THADA: variants seen among roughly 807,000 people sequenced by gnomAD.
THADA encodes tRNA (32-2'-O)-methyltransferase regulator THADA.
In THADA, 213 loss-of-function variants were observed where a neutral mutation model predicts 219.8. The observed-to-expected ratio is 0.97, with a 90% CI of 0.87 to 1.09. The LOEUF is 1.09. Ranked by LOEUF, THADA falls within the 50% of genes least tolerant of loss-of-function variation. The pLI, the probability that THADA is intolerant of heterozygous loss-of-function variation, is 0.00. For synonymous variants in THADA, 1,018 were observed against 828.9 expected, an observed-to-expected ratio of 1.23 and a Z score of -3.92; for missense variants, 2,956 against 2,311.3, an observed-to-expected ratio of 1.28 and a Z score of -5.72.
intron 26 of THADA, among the ~76,000 whole-genome samples, chr2:43,475,621 T>G (rs556148677): frequency 1.3e-5 from 2 of 152,168 alleles, no homozygotes; most frequent in Non-Finnish European, 2.9e-5. Flanking sequence ...TATTGCAGAA[T>G]AGCATTTTCG....
rs959293219 is a variant in THADA at position 43,291,687 on chromosome 2, C to T, written c.5010+9G>A. On this transcript the variant is annotated intron_variant, in intron 34 of 37. Coordinates refer to ENST00000405975, the MANE Select transcript of THADA (RefSeq NM_022065.5). ...CTAGGTCCCGGAACAAGATCAGAAC[C>T]AGCCTTACCTCCACACATGTCTGCA... 3 of 1,537,906 alleles carry T rather than the reference C, an allele frequency of 2.0e-6. No individual in the cohort carries two copies. Among genetic ancestry groups the T allele is most frequent in the Non-Finnish European group, 2.6e-6 (3 of 1,138,674 alleles).
chr2:43,256,669 C>T (rs1670348364), intron 36 of THADA, among the ~76,000 whole-genome samples: 1 of 151,362 alleles, frequency 6.6e-6, no homozygotes, highest in Non-Finnish European at 1.5e-5. Flanking sequence ...GTCTCAACCT[C>T]CCAGGGTCAA....
chr2:43,535,848 C>G (rs113373412), intron 21 of THADA, among the ~76,000 whole-genome samples: 15,415 of 151,874 alleles, frequency 0.1, 841 homozygotes, highest in South Asian at 0.14. Flanking sequence ...TTGAGACTGA[C>G]ACTCGCTCTG....
intron 36 of THADA, among the ~76,000 whole-genome samples, chr2:43,246,388 G>A (rs1279508315): frequency 3.9e-5 from 6 of 152,160 alleles, no homozygotes; most frequent in Non-Finnish European, 7.3e-5. Flanking sequence ...CCAGCTACTT[G>A]GGAGGCTGAG....
In THADA at chr2:43,504,303, T is replaced by G. The variant is rs116370721; in HGVS notation, c.3621+1319A>C. On this transcript the variant is annotated intron_variant, in intron 24 of 37. Coordinates refer to ENST00000405975, the MANE Select transcript of THADA (RefSeq NM_022065.5). ...TCATATCTATGGGTACTGGCCACTA[T>G]GTGCCATATGACTATGTTCCATATG... Among the ~76,000 whole-genome samples the G allele has an allele frequency of 3.9e-3, 591 of 152,344 alleles. 6 individuals carry two copies. Among genetic ancestry groups the G allele is most frequent in the African/African-American group, 0.014 (562 of 41,578 alleles).
At position 43,307,206 on chromosome 2, in the gene THADA, A is replaced by G. The variant is rs538850579; in HGVS notation, c.4438+13240T>C. On this transcript the variant is annotated intron_variant, in intron 31 of 37. Transcript: ENST00000405975. ...TTACAATTGCCTGAGCTTACTGCCA[A>G]GAGGCAACTTCTAAGCCCCAGTACA... Among the ~76,000 whole-genome samples the G allele has an allele frequency of 2.0e-5, 3 of 152,370 alleles. No individual in the cohort carries two copies. The South Asian group carries it at 6.2e-4, about 32-fold the overall frequency.
At chr2:43,318,800 T>G (rs1678376059) in intron 31 of THADA, among the ~76,000 whole-genome samples, 1 of 152,208 alleles carries the variant, frequency 6.6e-6, no homozygotes. Flanking sequence ...GTTAACAGCT[T>G]GGAGAAATGG....
intron 24 of THADA, among the ~76,000 whole-genome samples, chr2:43,504,289 G>A (rs1157936011): frequency 6.6e-6 from 1 of 151,998 alleles, no homozygotes; most frequent in African/African-American, 2.4e-5. Flanking sequence ...CATATCTATG[G>A]GTACTGGCCA....
chr2:43,368,946 A>G (rs1191744070), intron 29 of THADA, among the ~76,000 whole-genome samples: 1 of 152,204 alleles, frequency 6.6e-6, no homozygotes, highest in Non-Finnish European at 1.5e-5. Context: ...TTCAAGCTGT[A>G]AAACTGAAGT....
At chr2:43,412,136 A>G (rs914551363) in intron 28 of THADA, among the ~76,000 whole-genome samples, 6 of 152,204 alleles carry the variant, frequency 3.9e-5, no homozygotes, top group Non-Finnish European at 5.9e-5. Context: ...GGATACACAC[A>G]TGAATATAAA....
intron 30 of THADA, among the ~76,000 whole-genome samples, chr2:43,328,766 A>G (rs1558587547): frequency 6.6e-6 from 1 of 152,174 alleles, no homozygotes; most frequent in Non-Finnish European, 1.5e-5. Context: ...TGCAAAAGGT[A>G]CTGGGGTCCT....
Position 43,570,422 on chromosome 2 carries a change from T to C in THADA, c.2153A>G (p.Lys718Arg). ...SKREPENELTKQHPSVSLQQY... is the reference protein window; with the variant it reads ...SKREPENELTRQHPSVSLQQY... ...CTGTAAAGAAACAGAAGGGTGCTGT[T>C]TGGTTAACTCATTCTCTGGTTCACG... Residue 718 changes from lysine to arginine, a missense_variant, in exon 14 of 38, where the codon AAA (lysine) becomes AGA (arginine). Physicochemically the swap from Lys to Arg is conservative, Grantham distance 26. Transcript: ENST00000405975. 6.2e-7 allele frequency: 1 copy of C among 1,613,552 alleles called. No individual in the cohort carries two copies. Among genetic ancestry groups the C allele is most frequent in the South Asian group, 1.1e-5 (1 of 90,994 alleles).
chr2:43,362,141 T>C (rs1397745691), intron 29 of THADA, among the ~76,000 whole-genome samples: 1 of 152,240 alleles, frequency 6.6e-6, no homozygotes, highest in Non-Finnish European at 1.5e-5. Flanking sequence ...GGTCATTTCC[T>C]GGGTGAATCT....
At chr2:43,375,124 T>C (rs1025271000) in intron 29 of THADA, among the ~76,000 whole-genome samples, 2 of 152,160 alleles carry the variant, frequency 1.3e-5, no homozygotes, top group Non-Finnish European at 2.9e-5. Context: ...GCCACTATAC[T>C]GGGAATTTGT....
At chr2:43,497,505 A>G (rs13396727) in intron 25 of THADA, among the ~76,000 whole-genome samples, 60,714 of 152,024 alleles carry the variant, frequency 0.4, 12,955 homozygotes, top group African/African-American at 0.51. Context: ...ATAGACACAG[A>G]AAGGGGAACA....
chr2:43,538,363 G>T (rs1282075755), intron 21 of THADA: 3 of 152,178 alleles, frequency 2.0e-5, no homozygotes, highest in Non-Finnish European at 4.4e-5. Flanking sequence ...TCTGCCTCTT[G>T]TACAGGAACA....
intron 19 of THADA, among the ~76,000 whole-genome samples, chr2:43,551,409 C>T (rs1450427086): frequency 6.6e-6 from 1 of 152,038 alleles, no homozygotes; most frequent in Non-Finnish European, 1.5e-5. Context: ...TCTGAAAATC[C>T]AAAATACAGA....
At position 43,293,158 on chromosome 2, in the gene THADA, C is replaced by T. The variant is rs756742485; in HGVS notation, c.4494G>A (p.Glu1498=). The change falls in exon 32 of 38, where the codon GAG becomes GAA. Residue 1498 remains glutamate (E), a synonymous_variant. Transcript: ENST00000405975. ...AGGCCCAAGGGAATCCCGTTATCAG[C>T]TCTGATCCTGAGATAATCCCTCTGA... is the stretch of plus-strand genomic sequence containing the variant. ...EEVRGIISGS[E]LITGFPWAFK... is the part of the protein sequence containing the mutation. 3 of 1,613,998 alleles carry T rather than the reference C, an allele frequency of 1.9e-6. No homozygotes were observed. Among genetic ancestry groups the T allele is most frequent in the Non-Finnish European group, 2.5e-6 (3 of 1,179,884 alleles).
At chr2:43,274,656 C>T (rs1672509108) in intron 36 of THADA, among the ~76,000 whole-genome samples, 1 of 152,098 alleles carries the variant, frequency 6.6e-6, no homozygotes, top group Non-Finnish European at 1.5e-5. Context: ...GGATTTAATG[C>T]ATTCCCGCTA....
Sources: allele counts gnomAD v4.1 joint callset (sites outside exome capture counted in the v4.1 genomes callset), GRCh38; gene constraint gnomAD v4.1.1; transcripts MANE v1.5; gene names NCBI Gene and HGNC (gene_info 2026-07-23, HGNC 2026-07-21).